TENM2: variants seen among roughly 807,000 people sequenced by gnomAD.
TENM2 encodes the protein teneurin-2.
A neutral mutation model predicts 245.2 loss-of-function variants in TENM2; 52 were observed. The ratio of observed to expected loss-of-function variants is 0.21; its 90% CI spans 0.17 to 0.27. The LOEUF (loss-of-function observed/expected upper bound fraction) is 0.27, where lower values mean the gene tolerates loss of function less well. Ranked by LOEUF, TENM2 falls within the 10% of genes least tolerant of loss-of-function variation. The pLI is 1.00. For missense variants in TENM2, 3,046 were observed against 3,666.8 expected (o/e 0.83, Z 4.37); for synonymous variants, 1,363 against 1,438.9 (o/e 0.95, Z 1.19).
the TENM2 span, among the ~76,000 whole-genome samples, chr5:167,072,593 C>T: frequency 6.6e-6 from 1 of 152,156 alleles, no homozygotes. Flanking sequence ...AGTGCTTTCA[C>T]AGAATTTTAT....
At chr5:167,799,596 C>G (rs997807194) in intron 2 of TENM2, among the ~76,000 whole-genome samples, 3 of 152,126 alleles carry the variant, frequency 2.0e-5, no homozygotes, top group African/African-American at 7.2e-5. Flanking sequence ...AGAAAAAGCT[C>G]TAATTAAGAT....
At chr5:167,267,556 A>G in the TENM2 span, among the ~76,000 whole-genome samples, 1 of 152,106 alleles carries the variant, frequency 6.6e-6, no homozygotes, top group African/African-American at 2.4e-5. Flanking sequence ...GTTCATCACA[A>G]CTGTCTCCCG....
At chr5:167,583,540 C>T (rs1775255063) in intron 2 of TENM2, among the ~76,000 whole-genome samples, 1 of 145,550 alleles carries the variant, frequency 6.9e-6, no homozygotes, top group South Asian at 2.2e-4. Context: ...CAAAACAAAA[C>T]AAAAAACCTA....
intron 2 of TENM2, among the ~76,000 whole-genome samples, chr5:167,819,026 G>A (rs1767292791): frequency 6.6e-6 from 1 of 151,920 alleles, no homozygotes; most frequent in Non-Finnish European, 1.5e-5. Context: ...CAGTTTTTGG[G>A]TAGCTGGGTT....
intron 2 of TENM2, among the ~76,000 whole-genome samples, chr5:167,792,375 G>A (rs1561786516): frequency 6.6e-6 from 1 of 152,064 alleles, no homozygotes; most frequent in Non-Finnish European, 1.5e-5. Context: ...GCAGAGACTG[G>A]TGGCACATTT....
At chr5:167,944,873 C>T (rs1779483949) in intron 3 of TENM2, among the ~76,000 whole-genome samples, 1 of 152,148 alleles carries the variant, frequency 6.6e-6, no homozygotes, top group Admixed American at 6.5e-5. Context: ...AAGAGGTGAT[C>T]AGGCAGCAAG....
intron 1 of TENM2, among the ~76,000 whole-genome samples, chr5:167,330,173 T>A (rs1050041291): frequency 1.3e-5 from 2 of 152,208 alleles, no homozygotes; most frequent in African/African-American, 4.8e-5. Context: ...GTGACTTATA[T>A]TCAAATAGCC....
chr5:167,043,305 A>G, the TENM2 span, among the ~76,000 whole-genome samples: 1 of 152,238 alleles, frequency 6.6e-6, no homozygotes, highest in Non-Finnish European at 1.5e-5. Flanking sequence ...GTATAAAGAT[A>G]AAATTATGGT....
chr5:167,337,771 G>C (rs1407216617), intron 1 of TENM2, among the ~76,000 whole-genome samples: 1 of 152,190 alleles, frequency 6.6e-6, no homozygotes, highest in Non-Finnish European at 1.5e-5. Flanking sequence ...GGAGTGGTAT[G>C]ACAAAGGAGG....
chr5:167,648,183 G>A (rs1350524540), intron 2 of TENM2, among the ~76,000 whole-genome samples: 4 of 152,194 alleles, frequency 2.6e-5, no homozygotes, highest in African/African-American at 9.7e-5. Flanking sequence ...ATTCTGCACA[G>A]AGACTGACCA....
At chr5:167,735,283 C>A (rs1582872638) in intron 2 of TENM2, among the ~76,000 whole-genome samples, 1 of 152,112 alleles carries the variant, frequency 6.6e-6, no homozygotes, top group Non-Finnish European at 1.5e-5. Flanking sequence ...ATATCCAAGG[C>A]AATTTCTGCA....
At chr5:167,199,167 G>A in the TENM2 span, among the ~76,000 whole-genome samples, 2 of 142,170 alleles carry the variant, frequency 1.4e-5, no homozygotes, top group African/African-American at 5.3e-5. Flanking sequence ...ATAAACAAAA[G>A]AGGAAAACTA....
chr5:167,435,156 G>C (rs181585657), intron 2 of TENM2, among the ~76,000 whole-genome samples: 2 of 152,218 alleles, frequency 1.3e-5, no homozygotes, highest in African/African-American at 4.8e-5. Context: ...AGTTTCATGG[G>C]GGGGAAAGGA....
At chr5:167,788,405 A>C (rs1274190108) in intron 2 of TENM2, among the ~76,000 whole-genome samples, 1 of 152,362 alleles carries the variant, frequency 6.6e-6, no homozygotes, top group East Asian at 1.9e-4. Context: ...TTGACAGTAA[A>C]GGAATCTGTG....
chr5:167,027,437 T>G, the TENM2 span, among the ~76,000 whole-genome samples: 4 of 152,204 alleles, frequency 2.6e-5, no homozygotes, highest in African/African-American at 9.6e-5. Flanking sequence ...CATGAAATGC[T>G]TATCTATTAG....
chr5:167,980,912 C>A (rs180930656), intron 4 of TENM2, among the ~76,000 whole-genome samples: 13 of 152,242 alleles, frequency 8.5e-5, no homozygotes, highest in African/African-American at 2.9e-4. Context: ...ATGGTGCCCA[C>A]CCAGATGTCA....
intron 7 of TENM2, among the ~76,000 whole-genome samples, chr5:168,086,452 G>A (rs1034798699): frequency 1.3e-5 from 2 of 152,196 alleles, no homozygotes; most frequent in Non-Finnish European, 2.9e-5. Flanking sequence ...GCATGCCAAC[G>A]TGGGTTATTT....
At chr5:167,532,979 C>T (rs1327381202) in intron 2 of TENM2, among the ~76,000 whole-genome samples, 1 of 151,888 alleles carries the variant, frequency 6.6e-6, no homozygotes, top group Non-Finnish European at 1.5e-5. Flanking sequence ...AATGTGAAAA[C>T]TAGAATGTGA....
At chr5:167,146,555 A>G in the TENM2 span, among the ~76,000 whole-genome samples, 1 of 152,272 alleles carries the variant, frequency 6.6e-6, no homozygotes, top group South Asian at 2.1e-4. Context: ...ACCTCTCCCT[A>G]TAAAGTGCTT....
Sources: gnomAD v4.1 joint callset for allele counts (sites outside exome capture counted in the v4.1 genomes callset) on GRCh38, gnomAD v4.1.1 for gene constraint, MANE v1.5 for transcripts, NCBI Gene and HGNC (gene_info 2026-07-23, HGNC 2026-07-21) for gene names.